ARHGAP5: variants seen among roughly 807,000 people sequenced by gnomAD.
ARHGAP5 encodes the protein rho GTPase-activating protein 5.
A neutral mutation model predicts 116.6 loss-of-function variants in ARHGAP5; 23 were observed. That is an observed-to-expected ratio of 0.20 (90% confidence interval 0.14 to 0.28). The LOEUF (loss-of-function observed/expected upper bound fraction) is 0.28. Ranked by LOEUF, ARHGAP5 falls within the 10% of genes least tolerant of loss-of-function variation. The probability of loss-of-function intolerance (pLI) is 1.00; values close to 1 mark genes in which losing one functional copy is unlikely to be tolerated. For missense variants in ARHGAP5, 1,405 were observed against 1,774.8 expected (o/e 0.79, Z 3.74); for synonymous variants, 574 against 602.0 (o/e 0.95, Z 0.68).
chr14:32,094,316 TCACTTCTGAC>T lies in ARHGAP5; in HGVS notation c.3650_3659del (p.Thr1217ArgfsTer3). 6.2e-7 allele frequency: 1 copy of T among 1,612,594 alleles called. No homozygotes were observed. The highest frequency in any genetic ancestry group is 8.5e-7 in the Non-Finnish European group (1 of 1,179,576). ...AAAGGTGGTATTGATAATCCTGCAATCACTTCTGACCAGGAGTTAGATGATAAGAAGATGA... is the reference window on the plus strand; with the variant it reads ...AAAGGTGGTATTGATAATCCTGCAATCAGGAGTTAGATGATAAGAAGATGA... On this transcript the variant is annotated frameshift_variant, in exon 2 of 7. Coordinates refer to ENST00000345122, the MANE Select transcript of ARHGAP5 (RefSeq NM_001030055.2). LOFTEE classifies it high-confidence loss of function.
rs866712636 is a variant in ARHGAP5 at position 32,077,730 on chromosome 14, G to A, written c.-169+295G>A. ...CGGCGGAGGCCTGATGCTGGCCGGG[G>A]ATCGCCGGCCCCGCCAGGCGTCCGC... is the stretch of plus-strand genomic sequence containing the variant. On this transcript the variant is annotated intron_variant, in intron 1 of 6. Transcript: ENST00000345122. Among the ~76,000 whole-genome samples the A allele has an allele frequency of 7.0e-4, 106 of 152,208 alleles. 5 individuals are homozygous for A. The highest frequency in any genetic ancestry group is 6.8e-3 in the Middle Eastern group (2 of 294).
At chr14:32,141,989 T>C (rs1881147228) in intron 3 of ARHGAP5, among the ~76,000 whole-genome samples, 1 of 152,208 alleles carries the variant, frequency 6.6e-6, no homozygotes, top group African/African-American at 2.4e-5. Context: ...AAAAATTCAC[T>C]GATTACTCCT....
chr14:32,098,379 G>A (rs1224047750), intron 2 of ARHGAP5, among the ~76,000 whole-genome samples: 1 of 152,158 alleles, frequency 6.6e-6, no homozygotes, highest in African/African-American at 2.4e-5. Flanking sequence ...ATTAGGATGC[G>A]CTAATCTAAA....
intron 2 of ARHGAP5, among the ~76,000 whole-genome samples, chr14:32,100,827 C>CT (rs1377686647): frequency 6.6e-6 from 1 of 152,118 alleles, no homozygotes; most frequent in Admixed American, 6.5e-5. Context: ...AAAAGCAGCC[C>CT]TTTAAGAGAA....
intron 4 of ARHGAP5, among the ~76,000 whole-genome samples, chr14:32,149,244 G>A (rs895187010): frequency 6.7e-6 from 1 of 149,984 alleles, no homozygotes; most frequent in African/African-American, 2.5e-5. Context: ...TTAAACTCCT[G>A]GGCTCAAGTG....
rs1881954134 is a variant in ARHGAP5, at chr14:32,157,704, TC to T, written c.*2760del. The T allele has an allele frequency of 6.6e-6, 1 of 151,760 alleles. No individual in the cohort carries two copies. The highest frequency in any genetic ancestry group is 6.6e-5 in the Admixed American group (1 of 15,232). The allele number at this position is 151,760 out of a possible 1,614,324, so 9.4% of individuals were successfully genotyped here. A position where few individuals can be genotyped will look rare whatever the true frequency, so the allele number is the denominator to read the frequency against. On this transcript the variant is annotated 3_prime_UTR_variant, in exon 7 of 7. Transcript: ENST00000345122. Reference sequence around the variant, plus strand: ...AATGGTATTTGTTAGTAGTGCTTCTTCCCCTTAACATTTACAGTGTAAATAC... The same window carrying T: ...AATGGTATTTGTTAGTAGTGCTTCTTCCCTTAACATTTACAGTGTAAATAC...
At chr14:32,149,818 C>A in intron 4 of ARHGAP5, 84 bp from the exon 5 acceptor site, 1 of 769,300 alleles carries the variant, frequency 1.3e-6, no homozygotes, top group East Asian at 3.7e-5. Flanking sequence ...TTAAAGTTAT[C>A]TTTTGATCTA....
chr14:32,094,342 A>G lies in ARHGAP5; in HGVS notation c.3673A>G (p.Lys1225Glu), dbSNP rs1459361705. The change falls in exon 2 of 7, where the codon AAG becomes GAG. Residue 1225 changes from lysine to glutamate, a missense_variant. Lys to Glu is a moderately conservative substitution (Grantham distance 56). This residue lies in a region of ARHGAP5 where 176 missense variants were observed against 221.2 expected (regional missense o/e 0.80). Transcript: ENST00000345122. ...CACTTCTGACCAGGAGTTAGATGAT[A>G]AGAAGATGAAGAAGAAAACCCACAA... is the stretch of plus-strand genomic sequence containing the variant. ...AITSDQELDD[K>E]KMKKKTHKVK... 3 of 1,588,102 alleles carry G rather than the reference A, an allele frequency of 1.9e-6. No homozygotes were observed. The highest frequency in any genetic ancestry group is 1.4e-5 in the African/African-American group (1 of 72,990).
chr14:32,088,604 G>A (rs116687733), intron 1 of ARHGAP5, among the ~76,000 whole-genome samples: 3,142 of 152,072 alleles, frequency 0.021, 111 homozygotes, highest in African/African-American at 0.07. Flanking sequence ...GCTAGGTACA[G>A]ATTTTCAGTT....
At chr14:32,119,534 A>G (rs1879778838) in intron 3 of ARHGAP5, among the ~76,000 whole-genome samples, 1 of 152,126 alleles carries the variant, frequency 6.6e-6, no homozygotes, top group African/African-American at 2.4e-5. Flanking sequence ...TTTATAATCT[A>G]TAGTCATGTA....
chr14:32,115,465 T>C (rs35176317), intron 2 of ARHGAP5, among the ~76,000 whole-genome samples: 48,430 of 151,518 alleles, frequency 0.32, 9,489 homozygotes, highest in Non-Finnish European at 0.45. Flanking sequence ...AGATGGAGAC[T>C]ATCCTGGCCA....
chr14:32,114,845 G>C (rs1426649595), intron 2 of ARHGAP5, among the ~76,000 whole-genome samples: 4 of 152,126 alleles, frequency 2.6e-5, no homozygotes, highest in African/African-American at 9.7e-5. Context: ...CTAAGATGAA[G>C]ACTATTGTTT....
chr14:32,131,479 CTG>C (rs1296320694), intron 3 of ARHGAP5, among the ~76,000 whole-genome samples: 1 of 152,108 alleles, frequency 6.6e-6, no homozygotes, highest in Non-Finnish European at 1.5e-5. Context: ...AAAACTGAAA[CTG>C]TATTTTTATG....
chr14:32,139,002 C>A (rs532562961), intron 3 of ARHGAP5, among the ~76,000 whole-genome samples: 1 of 151,454 alleles, frequency 6.6e-6, no homozygotes, highest in Non-Finnish European at 1.5e-5. Context: ...ATTAATGTGG[C>A]CCATCAGACT....
At chr14:32,125,846 T>A (rs1880125385) in intron 3 of ARHGAP5, among the ~76,000 whole-genome samples, 1 of 152,256 alleles carries the variant, frequency 6.6e-6, no homozygotes, top group Non-Finnish European at 1.5e-5. Context: ...TTGCCTTGGT[T>A]AAATTTATTC....
intron 3 of ARHGAP5, among the ~76,000 whole-genome samples, chr14:32,142,573 G>T: frequency 6.6e-6 from 1 of 152,200 alleles, no homozygotes; most frequent in East Asian, 1.9e-4. Flanking sequence ...TCCAAGTCTT[G>T]TGGGTGAAAC....
chr14:32,077,448 G>A lies in ARHGAP5; in HGVS notation c.-169+13G>A, dbSNP rs573430229. 3.3e-4 allele frequency: 228 copies of A among 699,442 alleles called. 2 individuals carry two copies. In the East Asian group the frequency reaches 3.8e-3, roughly 12 times the overall value. 43.3% of individuals were successfully genotyped at this position (699,442 alleles called of 1,614,324 possible). On this transcript the variant is annotated intron_variant, in intron 1 of 6. Transcript: ENST00000345122. The stretch of plus-strand genomic sequence containing the variant: ...CCGACGTTGTTAGGTAGGACCTTGC[G>A]GACCCCGCTCCTCCAAGCCTGCCTG...
chr14:32,145,720 C>T (rs1566684071), intron 3 of ARHGAP5, among the ~76,000 whole-genome samples: 1 of 152,170 alleles, frequency 6.6e-6, no homozygotes, highest in East Asian at 1.9e-4. Flanking sequence ...GGGTTTTTAG[C>T]TGTATTTAGT....
At chr14:32,110,654 A>T (rs1192259633) in intron 2 of ARHGAP5, among the ~76,000 whole-genome samples, 2 of 152,204 alleles carry the variant, frequency 1.3e-5, no homozygotes, top group South Asian at 2.1e-4. Flanking sequence ...AGGAGCCAAC[A>T]TTCTAGCTCT....
Sources: gnomAD v4.1 joint callset for allele counts (sites outside exome capture counted in the v4.1 genomes callset) on GRCh38, gnomAD v4.1.1 for gene constraint, gnomAD v4.1.1 regional missense constraint, MANE v1.5 for transcripts, NCBI Gene and HGNC (gene_info 2026-07-23, HGNC 2026-07-21) for gene names.